Variants in CACNA2D2 observed in about 807,000 individuals in gnomAD.
The protein encoded by CACNA2D2 is voltage-dependent calcium channel subunit alpha-2/delta-2.
Under a neutral mutation model 166.4 loss-of-function variants are expected in CACNA2D2, and 48 were observed. That is an observed-to-expected ratio of 0.29 (90% confidence interval 0.23 to 0.37). The LOEUF is 0.37. CACNA2D2 is among the 10% of genes least tolerant of loss of function. The probability of loss-of-function intolerance (pLI) is 1.00; values close to 1 mark genes in which losing one functional copy is unlikely to be tolerated. For synonymous variants in CACNA2D2, 561 were observed against 573.7 expected (o/e 0.98, Z 0.32); for missense variants, 1,122 against 1,433.0 (o/e 0.78, Z 3.50).
At chr3:50,395,115 A>G (rs1233839165) in intron 3 of CACNA2D2, among the ~76,000 whole-genome samples, 3 of 152,198 alleles carry the variant, frequency 2.0e-5, no homozygotes, top group Non-Finnish European at 4.4e-5. Flanking sequence ...GGCCTTCTGC[A>G]GAGCTGAGAG....
Position 50,386,613 on chromosome 3 carries a change from A to G in CACNA2D2, c.510+955T>C, listed in dbSNP as rs587684307. 3.0e-4 allele frequency among the ~76,000 whole-genome samples: 45 copies of G among 152,264 alleles called. No individual in the cohort carries two copies. The East Asian group carries it at 8.5e-3, about 29-fold the overall frequency. ...TGCCCTCCTGCGGCTCTCCCAGGCCAGCCTGGCACTGTGGATCCTGCACAG... is the reference window on the plus strand; with the variant it reads ...TGCCCTCCTGCGGCTCTCCCAGGCCGGCCTGGCACTGTGGATCCTGCACAG... On this transcript the variant is annotated intron_variant, in intron 5 of 37. Transcript: ENST00000424201.
At chr3:50,499,658 G>A (rs1328777912) in intron 1 of CACNA2D2, among the ~76,000 whole-genome samples, 3 of 152,236 alleles carry the variant, frequency 2.0e-5, no homozygotes, top group Non-Finnish European at 2.9e-5. Context: ...CAGGCAGGAG[G>A]AGAAGGGGAT....
At chr3:50,498,661 A>G (rs35198275) in intron 1 of CACNA2D2, among the ~76,000 whole-genome samples, 17,723 of 152,290 alleles carry the variant, frequency 0.12, 1,159 homozygotes, top group Non-Finnish European at 0.14. Flanking sequence ...AGGCAGCTTC[A>G]TGCCAAGGAA....
In CACNA2D2 at chr3:50,365,521, C is replaced by A; in HGVS notation, c.2972-39G>T. 1 of 1,606,774 alleles carries A rather than the reference C, an allele frequency of 6.2e-7. No individual in the cohort carries two copies. Reference sequence around the variant, plus strand: ...GAGCGCCTCAGCTCCGCCCACAGACCCTGGCAAGGTCTCCGGCCTCCCTCA... The same window carrying A: ...GAGCGCCTCAGCTCCGCCCACAGACACTGGCAAGGTCTCCGGCCTCCCTCA... On this transcript the variant is annotated intron_variant, in intron 34 of 37. Transcript: ENST00000424201. This position sits in a 1 kb window ranked among gnomAD's most constrained non-coding sequence, Gnocchi z 4.5.
At chr3:50,415,256 C>T (rs1707216403) in intron 3 of CACNA2D2, among the ~76,000 whole-genome samples, 2 of 152,358 alleles carry the variant, frequency 1.3e-5, no homozygotes, top group East Asian at 1.9e-4. Flanking sequence ...TGTCCTGGGT[C>T]TGCAATTCCA....
At chr3:50,382,794 A>G (rs1380136563) in intron 6 of CACNA2D2, among the ~76,000 whole-genome samples, 1 of 152,172 alleles carries the variant, frequency 6.6e-6, no homozygotes, top group Non-Finnish European at 1.5e-5. Flanking sequence ...TGACAGGCTT[A>G]GAGCAGAGGG....
chr3:50,457,752 A>G (rs1024044859), intron 2 of CACNA2D2, among the ~76,000 whole-genome samples: 21 of 152,220 alleles, frequency 1.4e-4, no homozygotes, highest in African/African-American at 4.6e-4. Flanking sequence ...ATATGAAGAA[A>G]CAAGACCCAG....
At chr3:50,368,106 G>T in intron 24 of CACNA2D2, 32 bp downstream of exon 24, 1 of 1,514,574 alleles carries the variant, frequency 6.6e-7, no homozygotes, top group Non-Finnish European at 9.2e-7. Context: ...CCTGGGCACT[G>T]CCCAGAGCCA....
rs1575601194 is a variant in CACNA2D2 at position 50,378,280 on chromosome 3, T to G, written c.1389+4A>C. On this transcript the variant is annotated splice_donor_region_variant and intron_variant, in intron 14 of 37. Coordinates refer to ENST00000424201, the MANE Select transcript of CACNA2D2 (RefSeq NM_006030.4). The stretch of plus-strand genomic sequence containing the variant: ...CTGGGAGGAGGGGCCTCCCCAAGTC[T>G]CACCTGTGTGTTGATGCGGATGGCT... The G allele has an allele frequency of 2.6e-6, 4 of 1,553,820 alleles. No homozygotes were observed. Among genetic ancestry groups the G allele is most frequent in the Non-Finnish European group, 3.5e-6 (4 of 1,148,328 alleles).
At chr3:50,433,736 G>A (rs191124323) in intron 3 of CACNA2D2, among the ~76,000 whole-genome samples, 3 of 152,240 alleles carry the variant, frequency 2.0e-5, no homozygotes, top group African/African-American at 7.2e-5. Context: ...GCGCATTCCT[G>A]TTACCCCTCA....
At chr3:50,430,190 GC>G (rs1245356510) in intron 3 of CACNA2D2, among the ~76,000 whole-genome samples, 1 of 152,164 alleles carries the variant, frequency 6.6e-6, no homozygotes, top group Admixed American at 6.5e-5. Context: ...ACCTGCTCTG[GC>G]CTTGCTGTCC....
intron 2 of CACNA2D2, among the ~76,000 whole-genome samples, chr3:50,473,521 G>GC (rs1250455485): frequency 1.3e-5 from 2 of 152,210 alleles, no homozygotes; most frequent in Admixed American, 1.3e-4. Flanking sequence ...CCCACTGGGG[G>GC]CCAAGGCTGT....
At chr3:50,438,576 G>C (rs1279896629) in intron 2 of CACNA2D2, among the ~76,000 whole-genome samples, 2 of 152,208 alleles carry the variant, frequency 1.3e-5, no homozygotes, top group Non-Finnish European at 2.9e-5. Flanking sequence ...GCTGGCAGGA[G>C]CAAAGGGAGC....
intron 2 of CACNA2D2, among the ~76,000 whole-genome samples, chr3:50,440,142 G>A (rs1012067243): frequency 1.1e-4 from 17 of 152,204 alleles, no homozygotes; most frequent in African/African-American, 3.6e-4. Flanking sequence ...GCTGCCCCAT[G>A]ATGGGTGCAC....
chr3:50,464,072 TC>T (rs1398280109), intron 2 of CACNA2D2, among the ~76,000 whole-genome samples: 1 of 152,130 alleles, frequency 6.6e-6, no homozygotes, highest in Admixed American at 6.5e-5. Flanking sequence ...CTGGGAGAAC[TC>T]CCTCCATCAC....
At chr3:50,397,519 C>T (rs749334363) in intron 3 of CACNA2D2, among the ~76,000 whole-genome samples, 1 of 152,106 alleles carries the variant, frequency 6.6e-6, no homozygotes, top group Admixed American at 6.5e-5. Context: ...TTGAAGCCCC[C>T]GAGTCCTGGC....
chr3:50,490,992 G>A (rs189678484), intron 1 of CACNA2D2, among the ~76,000 whole-genome samples: 103 of 152,304 alleles, frequency 6.8e-4, no homozygotes, highest in African/African-American at 2.4e-3. Context: ...GGGTTGGCAG[G>A]GCCCTCGGCA....
chr3:50,491,536 G>C (rs910805711), intron 1 of CACNA2D2, among the ~76,000 whole-genome samples: 2 of 152,200 alleles, frequency 1.3e-5, no homozygotes, highest in Admixed American at 1.3e-4. Context: ...AGCCCAGGGG[G>C]TGAGGTGGGC....
At position 50,379,501 on chromosome 3, in the gene CACNA2D2, C is replaced by T. The variant is rs981955969; in HGVS notation, c.1083G>A (p.Gln361=). Residue 361 remains glutamine (Q), a synonymous_variant, in exon 11 of 38, where the codon CAG becomes CAA. Coordinates refer to ENST00000424201, the MANE Select transcript of CACNA2D2 (RefSeq NM_006030.4). The surrounding 1 kb of genome is among the most constrained non-coding windows in gnomAD (Gnocchi z 6.5). ...CTGTGGTGCCCTTGGCCACCATGCC[C>T]TGCACAGCTTCCTTGAACACCTTCT... ...RNKKVFKEAV[Q]GMVAKGTTGY... is the part of the protein sequence containing the mutation. 2.5e-6 allele frequency: 4 copies of T among 1,614,020 alleles called. No individual in the cohort carries two copies. The highest frequency in any genetic ancestry group is 3.4e-6 in the Non-Finnish European group (4 of 1,180,040).
Sources: allele counts gnomAD v4.1 joint callset (sites outside exome capture counted in the v4.1 genomes callset), GRCh38; gene constraint gnomAD v4.1.1; non-coding constraint Gnocchi (gnomAD v3.1); transcripts MANE v1.5; gene names NCBI Gene and HGNC (gene_info 2026-07-23, HGNC 2026-07-21).